The following CA10 variants were observed in gnomAD, a reference collection of about 807,000 sequenced individuals.
The protein encoded by CA10 is carbonic anhydrase-related protein 10.
A neutral mutation model predicts 44.2 loss-of-function variants in CA10; 14 were observed. The observed-to-expected ratio is 0.32, with a 90% confidence interval of 0.21 to 0.50. The LOEUF (loss-of-function observed/expected upper bound fraction) is 0.50. CA10 is among the 20% of genes least tolerant of loss of function. CA10 has a pLI of 0.99. For synonymous variants in CA10, 159 were observed against 141.6 expected (o/e 1.12, Z -0.87); for missense variants, 350 against 409.7 (o/e 0.85, Z 1.26).
intron 4 of CA10, among the ~76,000 whole-genome samples, chr17:51,707,131 C>A (rs1915786978): frequency 6.6e-6 from 1 of 152,138 alleles, no homozygotes; most frequent in South Asian, 2.1e-4. Context: ...CTCATAGAAG[C>A]AATGTGCTAG....
intron 2 of CA10, among the ~76,000 whole-genome samples, chr17:51,968,396 A>T (rs1264893284): frequency 3.9e-5 from 6 of 151,956 alleles, no homozygotes; most frequent in African/African-American, 1.4e-4. Flanking sequence ...CAGTAATAAA[A>T]AGGAATCAAT....
In CA10 at chr17:52,051,542, T is replaced by G. The variant is rs116001369; in HGVS notation, c.136+20777A>C. ...AGCCAACAAGTCTACAAAAAATAGC[T>G]CAACATCATTGATCACTAAAGAAAT... is the stretch of plus-strand genomic sequence containing the variant. On this transcript the variant is annotated intron_variant, in intron 2 of 8. Transcript: ENST00000451037. 8.6e-3 allele frequency among the ~76,000 whole-genome samples: 1,295 copies of G among 151,148 alleles called. 16 individuals carry two copies. The highest frequency in any genetic ancestry group is 0.027 in the African/African-American group (1,132 of 41,274).
intron 3 of CA10, among the ~76,000 whole-genome samples, chr17:51,834,726 G>C (rs935326002): frequency 1.7e-4 from 26 of 152,288 alleles, no homozygotes; most frequent in African/African-American, 6.3e-4. Context: ...GTGAGTCCTT[G>C]AGCACGTTGT....
rs145204731 is a variant in CA10 at position 51,896,924 on chromosome 17, AT to A, written c.279+34065del. 1.1e-4 allele frequency among the ~76,000 whole-genome samples: 17 copies of A among 149,826 alleles called. No homozygotes were observed. In the East Asian group the frequency reaches 1.8e-3, roughly 16 times the overall value. On this transcript the variant is annotated intron_variant, in intron 3 of 8. Coordinates refer to ENST00000451037, the MANE Select transcript of CA10 (RefSeq NM_020178.5). ...GTCCATGTCCTTTGCCCACTTTTAA[AT>A]TTTTTTTTTAATTTGTTTAAGTTGC... is the stretch of plus-strand genomic sequence containing the variant.
chr17:51,657,137 A>G (rs916598987), intron 4 of CA10, among the ~76,000 whole-genome samples: 2 of 152,180 alleles, frequency 1.3e-5, no homozygotes, highest in Non-Finnish European at 2.9e-5. Flanking sequence ...CAGAATGTGT[A>G]TGTTTGTGTG....
intron 1 of CA10, among the ~76,000 whole-genome samples, chr17:52,125,955 C>T (rs1165177513): frequency 2.6e-5 from 4 of 152,098 alleles, no homozygotes; most frequent in Non-Finnish European, 5.9e-5. Flanking sequence ...TTCATTCTTT[C>T]AACAGCTATT....
intron 4 of CA10, among the ~76,000 whole-genome samples, chr17:51,689,904 C>T (rs952267984): frequency 6.6e-6 from 1 of 151,512 alleles, no homozygotes; most frequent in African/African-American, 2.4e-5. Flanking sequence ...ATATGCATTA[C>T]TTTGTATACT....
At chr17:52,041,710 T>C (rs1168895014) in intron 2 of CA10, among the ~76,000 whole-genome samples, 1 of 152,104 alleles carries the variant, frequency 6.6e-6, no homozygotes, top group Non-Finnish European at 1.5e-5. Context: ...TCTGTACTCT[T>C]TGACGAACAT....
intron 4 of CA10, among the ~76,000 whole-genome samples, chr17:51,683,053 T>G (rs2143396631): frequency 6.6e-6 from 1 of 152,320 alleles, no homozygotes; most frequent in African/African-American, 2.4e-5. Context: ...CTTCAGGGGT[T>G]TCTAATGATC....
rs150691510 is a variant in CA10 at position 51,696,026 on chromosome 17, T to C, written c.466-42290A>G. Among the ~76,000 whole-genome samples the C allele has an allele frequency of 4.9e-3, 749 of 152,336 alleles. 9 individuals are homozygous for C. Among genetic ancestry groups the C allele is most frequent in the African/African-American group, 0.017 (711 of 41,570 alleles). On this transcript the variant is annotated intron_variant, in intron 4 of 8. Coordinates refer to ENST00000451037, the MANE Select transcript of CA10 (RefSeq NM_020178.5). ...CCCAGGAAGGAAGCCTATTTGATCA[T>C]GGTGAATTAACTTTTTAATGTGCTG... is the stretch of plus-strand genomic sequence containing the variant.
intron 3 of CA10, among the ~76,000 whole-genome samples, chr17:51,889,025 G>T (rs903414641): frequency 1.3e-5 from 2 of 152,114 alleles, no homozygotes; most frequent in African/African-American, 4.8e-5. Flanking sequence ...AGCTCAGCTG[G>T]TGCTGCCAAT....
At chr17:51,832,268 C>T (rs967736778) in intron 3 of CA10, among the ~76,000 whole-genome samples, 4 of 152,236 alleles carry the variant, frequency 2.6e-5, no homozygotes, top group Admixed American at 2.6e-4. Context: ...TAAGCAATAA[C>T]TATTTTAGAA....
chr17:51,856,381 A>G, intron 3 of CA10, among the ~76,000 whole-genome samples: 1 of 152,016 alleles, frequency 6.6e-6, no homozygotes, highest in South Asian at 2.1e-4. Flanking sequence ...AACAACAACA[A>G]CAACAACAAC....
intron 3 of CA10, among the ~76,000 whole-genome samples, chr17:51,756,929 G>A (rs1567829386): frequency 6.6e-6 from 1 of 152,274 alleles, no homozygotes; most frequent in Non-Finnish European, 1.5e-5. Flanking sequence ...CGCTTGCTGG[G>A]AGTTGAGAGA....
At chr17:51,795,632 T>C (rs1465037382) in intron 3 of CA10, among the ~76,000 whole-genome samples, 3 of 152,302 alleles carry the variant, frequency 2.0e-5, no homozygotes, top group African/African-American at 7.2e-5. Context: ...TTGGTGCAGG[T>C]CTGTGTTTCT....
At chr17:52,051,687 A>C (rs1352387768) in intron 2 of CA10, among the ~76,000 whole-genome samples, 1 of 152,110 alleles carries the variant, frequency 6.6e-6, no homozygotes, top group Admixed American at 6.6e-5. Flanking sequence ...ATGGGAGTGT[A>C]AATTAGTTCT....
intron 2 of CA10, among the ~76,000 whole-genome samples, chr17:51,941,199 C>T (rs867438132): frequency 9.2e-5 from 14 of 152,246 alleles, no homozygotes; most frequent in African/African-American, 1.9e-4. Flanking sequence ...TCATTCATCC[C>T]TCAGACCTAG....
Position 51,631,414 on chromosome 17 carries a change from T to A in CA10, c.*170A>T. The A allele has an allele frequency of 1.4e-6, 1 of 702,942 alleles. No homozygotes were observed. Among genetic ancestry groups the A allele is most frequent in the East Asian group, 2.5e-5 (1 of 40,364 alleles). 43.5% of individuals were successfully genotyped at this position (702,942 alleles called of 1,614,324 possible). A position where few individuals can be genotyped will look rare whatever the true frequency, so the allele number is the denominator to read the frequency against. The stretch of plus-strand genomic sequence containing the variant: ...TTTGTGAGTATGTGTGAGAGATGTA[T>A]TCCTCTGCCATGGTTTTGCAGACAC... On this transcript the variant is annotated 3_prime_UTR_variant, in exon 9 of 9. Transcript: ENST00000451037.
chr17:52,059,032 T>C (rs1273648226), intron 2 of CA10, among the ~76,000 whole-genome samples: 1 of 152,124 alleles, frequency 6.6e-6, no homozygotes. Context: ...AAAGTATTTC[T>C]AATTGAGGGT....
Sources: allele counts gnomAD v4.1 joint callset (sites outside exome capture counted in the v4.1 genomes callset), GRCh38; gene constraint gnomAD v4.1.1; transcripts MANE v1.5; gene names NCBI Gene and HGNC (gene_info 2026-07-23, HGNC 2026-07-21).